Variants in JAZF1 observed in about 807,000 individuals in gnomAD.
JAZF1 encodes the protein juxtaposed with another zinc finger protein 1.
A neutral mutation model predicts 26.4 loss-of-function variants in JAZF1; 8 were observed. That is an observed-to-expected ratio of 0.30 (90% CI 0.18 to 0.55). The LOEUF is 0.55. Ranked by LOEUF, JAZF1 falls within the 20% of genes least tolerant of loss-of-function variation. The pLI, the probability that JAZF1 is intolerant of heterozygous loss-of-function variation, is 0.94. For missense variants in JAZF1, 199 were observed against 322.0 expected (o/e 0.62, Z 2.92); for synonymous variants, 126 against 122.3 (o/e 1.03, Z -0.20).
At chr7:28,161,257 T>TAAAAA (rs10630786) in intron 1 of JAZF1, among the ~76,000 whole-genome samples, 31 of 77,130 alleles carry the variant, frequency 4.0e-4, no homozygotes, top group South Asian at 6.3e-4. Context: ...TCCTTTAATC[T>TAAAAA]AAAAAAAAAA....
chr7:28,122,515 G>T lies in JAZF1; in HGVS notation c.115+57948C>A, dbSNP rs556586857. On this transcript the variant is annotated intron_variant, in intron 1 of 4. Coordinates refer to ENST00000283928, the MANE Select transcript of JAZF1 (RefSeq NM_175061.4). ...GCTGAAATTGGTTCAAGCAACTAGG[G>T]TGAGGCTGGGGCACCAAGCAGGATT... Among the ~76,000 whole-genome samples the T allele has an allele frequency of 3.3e-5, 5 of 152,230 alleles. No individual in the cohort carries two copies. The East Asian group carries it at 9.7e-4, about 29-fold the overall frequency.
chr7:28,051,347 G>C (rs1391287488), intron 1 of JAZF1, among the ~76,000 whole-genome samples: 5 of 151,524 alleles, frequency 3.3e-5, no homozygotes, highest in African/African-American at 1.2e-4. Flanking sequence ...AGCCTCCCAA[G>C]TAGCTGGGAT....
chr7:28,005,381 C>T lies in JAZF1; in HGVS notation c.116-13400G>A, dbSNP rs115138195. On this transcript the variant is annotated intron_variant, in intron 1 of 4. Coordinates refer to ENST00000283928, the MANE Select transcript of JAZF1 (RefSeq NM_175061.4). ...TTGACAAAAGGAATTGCCTTCGTTA[C>T]TTCCTATCTCCCAGGGAAGCCGAAT... Among the ~76,000 whole-genome samples, 622 of 151,218 alleles carry T rather than the reference C, an allele frequency of 4.1e-3. 9 individuals carry two copies. The highest frequency in any genetic ancestry group is 0.014 in the African/African-American group (594 of 41,152).
intron 2 of JAZF1, among the ~76,000 whole-genome samples, chr7:27,941,734 A>G (rs1362629652): frequency 1.3e-5 from 2 of 152,270 alleles, no homozygotes; most frequent in Admixed American, 1.3e-4. Flanking sequence ...TCACCACCAT[A>G]CAATTAGGGG....
At position 27,895,311 on chromosome 7, in the gene JAZF1, G is replaced by A; in HGVS notation, c.294C>T (p.Ser98=). 3 of 1,610,518 alleles carry A rather than the reference G, an allele frequency of 1.9e-6. No individual in the cohort carries two copies. Among genetic ancestry groups the A allele is most frequent in the South Asian group, 1.1e-5 (1 of 90,382 alleles). The change falls in exon 3 of 5, where the codon TCC becomes TCT. Residue 98 remains serine, a synonymous_variant. Coordinates refer to ENST00000283928, the MANE Select transcript of JAZF1 (RefSeq NM_175061.4). The part of the protein sequence containing the change: ...LSSSVSRGNV[S]TPPRHSSGSL... Reference sequence around the variant, plus strand: ...TTCCACTGCTGTGGCGTGGGGGAGTGGACACATTCCCTCGAGACACTGAGC... The same window carrying A: ...TTCCACTGCTGTGGCGTGGGGGAGTAGACACATTCCCTCGAGACACTGAGC...
intron 2 of JAZF1, among the ~76,000 whole-genome samples, chr7:27,901,819 T>A (rs1042955829): frequency 6.6e-6 from 1 of 152,198 alleles, no homozygotes; most frequent in Non-Finnish European, 1.5e-5. Flanking sequence ...TTTGGTTTTA[T>A]GGATATATGG....
chr7:28,015,564 C>T (rs536963198), intron 1 of JAZF1, among the ~76,000 whole-genome samples: 2 of 152,254 alleles, frequency 1.3e-5, no homozygotes, highest in East Asian at 3.9e-4. Context: ...ATGCTAAATA[C>T]ACAATGGGTG....
At chr7:27,970,191 G>A (rs1785351646) in intron 2 of JAZF1, among the ~76,000 whole-genome samples, 2 of 152,174 alleles carry the variant, frequency 1.3e-5, no homozygotes, top group South Asian at 4.1e-4. Flanking sequence ...TTACCACACA[G>A]GGCAGTGTGA....
intron 1 of JAZF1, among the ~76,000 whole-genome samples, chr7:28,166,488 C>T (rs1783369176): frequency 6.6e-6 from 1 of 152,102 alleles, no homozygotes; most frequent in South Asian, 2.1e-4. Flanking sequence ...TCATAAAAGC[C>T]CTACAAATCT....
intron 1 of JAZF1, among the ~76,000 whole-genome samples, chr7:28,128,923 C>A (rs182488669): frequency 7.2e-5 from 11 of 152,238 alleles, no homozygotes; most frequent in Middle Eastern, 3.4e-3. Context: ...CTTAAGATAA[C>A]CCATTGTTCT....
intron 3 of JAZF1, among the ~76,000 whole-genome samples, chr7:27,863,432 T>C (rs1783416237): frequency 1.3e-5 from 2 of 152,202 alleles, no homozygotes; most frequent in Admixed American, 1.3e-4. Context: ...ATTCAGGTCA[T>C]GTCAGCTCAA....
At chr7:28,066,142 T>A (rs1301617076) in intron 1 of JAZF1, among the ~76,000 whole-genome samples, 4 of 152,124 alleles carry the variant, frequency 2.6e-5, no homozygotes, top group African/African-American at 9.7e-5. Context: ...ATTACAGAAG[T>A]GTTAACACAC....
intron 1 of JAZF1, among the ~76,000 whole-genome samples, chr7:28,133,622 G>T (rs1365432353): frequency 1.3e-5 from 2 of 152,140 alleles, no homozygotes; most frequent in Non-Finnish European, 2.9e-5. Flanking sequence ...ATGGTCTTTT[G>T]TGCACTAGTG....
At chr7:27,946,839 T>G (rs1417968742) in intron 2 of JAZF1, among the ~76,000 whole-genome samples, 1 of 152,226 alleles carries the variant, frequency 6.6e-6, no homozygotes, top group Non-Finnish European at 1.5e-5. Flanking sequence ...GTTGTCTACG[T>G]GTCAGTCCTT....
intron 1 of JAZF1, among the ~76,000 whole-genome samples, chr7:27,998,339 T>A (rs1283241900): frequency 1.3e-5 from 2 of 152,222 alleles, no homozygotes; most frequent in Non-Finnish European, 2.9e-5. Flanking sequence ...CCCATAGTTC[T>A]GTCGGCTGCA....
At chr7:28,169,128 T>C (rs550981155) in intron 1 of JAZF1, among the ~76,000 whole-genome samples, 1 of 152,374 alleles carries the variant, frequency 6.6e-6, no homozygotes, top group East Asian at 1.9e-4. Context: ...GGTGCCATGA[T>C]AGTTCCAGGG....
At chr7:27,849,600 T>C (rs575167448) in intron 3 of JAZF1, among the ~76,000 whole-genome samples, 2 of 152,180 alleles carry the variant, frequency 1.3e-5, no homozygotes, top group African/African-American at 4.8e-5. Flanking sequence ...CATTTCAGCA[T>C]TTCAGTTGGG....
chr7:28,132,902 C>A (rs1583577702), intron 1 of JAZF1, among the ~76,000 whole-genome samples: 1 of 152,296 alleles, frequency 6.6e-6, no homozygotes, highest in South Asian at 2.1e-4. Flanking sequence ...GAACTCCATG[C>A]TGCTGCTGCA....
intron 1 of JAZF1, among the ~76,000 whole-genome samples, chr7:28,098,717 T>C (rs1056169357): frequency 6.6e-6 from 1 of 152,154 alleles, no homozygotes; most frequent in Non-Finnish European, 1.5e-5. Flanking sequence ...TGGTAAGAAA[T>C]GATTAGTAAT....
Sources: gnomAD v4.1 joint callset for allele counts (sites outside exome capture counted in the v4.1 genomes callset) on GRCh38, gnomAD v4.1.1 for gene constraint, MANE v1.5 for transcripts, NCBI Gene and HGNC (gene_info 2026-07-23, HGNC 2026-07-21) for gene names.